Variants in MOB3B observed in about 807,000 individuals in gnomAD.
The protein encoded by MOB3B is MOB kinase activator-like 2B.
A neutral mutation model predicts 18.7 loss-of-function variants in MOB3B; 7 were observed. That is an observed-to-expected ratio of 0.37 (90% confidence interval 0.21 to 0.70). The LOEUF (loss-of-function observed/expected upper bound fraction) is 0.70, where lower values mean the gene tolerates loss of function less well. Ranked by LOEUF, MOB3B falls within the 30% of genes least tolerant of loss-of-function variation. MOB3B has a pLI of 0.52. For missense variants in MOB3B, 253 were observed against 281.3 expected (o/e 0.90, Z 0.72); for synonymous variants, 111 against 99.9 (o/e 1.11, Z -0.66).
At chr9:27,334,920 G>A (rs1008985891) in intron 3 of MOB3B, among the ~76,000 whole-genome samples, 1 of 152,150 alleles carries the variant, frequency 6.6e-6, no homozygotes, top group Non-Finnish European at 1.5e-5. Context: ...ACCTCCTGGG[G>A]TCACGCCATT....
At chr9:27,467,142 T>C (rs551795470) in intron 1 of MOB3B, among the ~76,000 whole-genome samples, 1 of 152,308 alleles carries the variant, frequency 6.6e-6, no homozygotes, top group South Asian at 2.1e-4. Flanking sequence ...AAGTTTGAAA[T>C]GAAATTGAGT....
At position 27,327,183 on chromosome 9, in the gene MOB3B, A is replaced by AT. The variant is rs1355165626; in HGVS notation, c.*3403dup. ...ATCATCTGACTGCAATGCTTATAAT[A>AT]TTTTGGGGATCCTGGGCCTCCTTGA... On this transcript the variant is annotated 3_prime_UTR_variant, in exon 4 of 4. Transcript: ENST00000262244. The AT allele has an allele frequency of 6.6e-6, 1 of 152,140 alleles. No individual in the cohort carries two copies. The highest frequency in any genetic ancestry group is 1.5e-5 in the Non-Finnish European group (1 of 68,036). 9.4% of individuals were successfully genotyped at this position (152,140 alleles called of 1,614,324 possible).
chr9:27,456,465 G>A (rs1445446652), intron 1 of MOB3B, among the ~76,000 whole-genome samples: 1 of 152,202 alleles, frequency 6.6e-6, no homozygotes, highest in African/African-American at 2.4e-5. Context: ...AAGAGAGACA[G>A]TGAGAAGAAC....
intron 3 of MOB3B, 124 bp from the exon 4 acceptor site, chr9:27,330,740 C>A: frequency 7.1e-7 from 1 of 1,399,954 alleles, no homozygotes; most frequent in Admixed American, 2.0e-5. Context: ...AAGCATGGTC[C>A]ATGAATAAGG....
intron 3 of MOB3B, among the ~76,000 whole-genome samples, chr9:27,336,036 G>A (rs1243703320): frequency 6.6e-6 from 1 of 152,178 alleles, no homozygotes; most frequent in East Asian, 1.9e-4. Flanking sequence ...AATGAGAGGT[G>A]GAAGGAAACA....
intron 2 of MOB3B, among the ~76,000 whole-genome samples, chr9:27,426,442 T>C (rs904865438): frequency 6.6e-5 from 10 of 152,198 alleles, no homozygotes; most frequent in African/African-American, 2.4e-4. Context: ...TCAGTTGAGA[T>C]ATCATGTGTA....
rs1821367442 is a variant in MOB3B, at chr9:27,368,353, T to TACACACACACACACATACAC, written c.419-9118_419-9117insGTGTATGTGTGTGTGTGTGT. Among the ~76,000 whole-genome samples the TACACACACACACACATACAC allele has an allele frequency of 2.1e-5, 3 of 145,988 alleles. No individual in the cohort carries two copies. In the East Asian group the frequency reaches 6.1e-4, roughly 29 times the overall value. On this transcript the variant is annotated intron_variant, in intron 2 of 3. Coordinates refer to ENST00000262244, the MANE Select transcript of MOB3B (RefSeq NM_024761.5). The stretch of plus-strand genomic sequence containing the variant: ...ATACATATATATACACACACATACA[T>TACACACACACACACATACAC]ACACACACACACACACACACACACA...
chr9:27,486,217 AG>A, intron 1 of MOB3B, among the ~76,000 whole-genome samples: 1 of 152,236 alleles, frequency 6.6e-6, no homozygotes, highest in Non-Finnish European at 1.5e-5. Context: ...AGAAGGATTC[AG>A]GGTGGCAGTA....
chr9:27,376,571 T>C (rs1251925463), intron 2 of MOB3B, among the ~76,000 whole-genome samples: 11 of 152,210 alleles, frequency 7.2e-5, no homozygotes, highest in Non-Finnish European at 1.2e-4. Flanking sequence ...ACCCTGGCTG[T>C]GCATTAGAAT....
intron 2 of MOB3B, among the ~76,000 whole-genome samples, chr9:27,419,241 C>A (rs1171272631): frequency 6.6e-6 from 1 of 152,074 alleles, no homozygotes; most frequent in Non-Finnish European, 1.5e-5. Context: ...CAAAGGAAAT[C>A]TACAAATTCA....
chr9:27,402,626 A>C (rs989546953), intron 2 of MOB3B, among the ~76,000 whole-genome samples: 1 of 152,268 alleles, frequency 6.6e-6, no homozygotes, highest in Non-Finnish European at 1.5e-5. Flanking sequence ...CCACTAAGTT[A>C]ACAAAAATTG....
At chr9:27,428,873 C>G (rs1315409948) in intron 2 of MOB3B, among the ~76,000 whole-genome samples, 1 of 152,186 alleles carries the variant, frequency 6.6e-6, no homozygotes, top group Admixed American at 6.5e-5. Context: ...GTCCTGGAAG[C>G]TTTACCAAAG....
At chr9:27,342,307 A>G (rs1360379200) in intron 3 of MOB3B, among the ~76,000 whole-genome samples, 1 of 152,232 alleles carries the variant, frequency 6.6e-6, no homozygotes, top group East Asian at 1.9e-4. Context: ...ATATTTATTT[A>G]ATCTATAAAT....
At position 27,367,367 on chromosome 9, in the gene MOB3B, C is replaced by T. The variant is rs147112937; in HGVS notation, c.419-8131G>A. On this transcript the variant is annotated intron_variant, in intron 2 of 3. Transcript: ENST00000262244. Reference sequence around the variant, plus strand: ...AATACGATTGACACAGCTGGGGAAACGAAACTTGTTAGAAGACAAGGTGGA... The same window carrying T: ...AATACGATTGACACAGCTGGGGAAATGAAACTTGTTAGAAGACAAGGTGGA... Among the ~76,000 whole-genome samples the T allele has an allele frequency of 9.5e-4, 144 of 152,260 alleles. 1 individual carries two copies. Among genetic ancestry groups the T allele is most frequent in the South Asian group, 2.1e-4 (1 of 4,832 alleles).
At chr9:27,368,691 A>G (rs35484384) in intron 2 of MOB3B, among the ~76,000 whole-genome samples, 3 of 152,138 alleles carry the variant, frequency 2.0e-5, no homozygotes, top group African/African-American at 4.8e-5. Flanking sequence ...GCTGTCCTCC[A>G]GTCTGTTATC....
At chr9:27,503,771 C>G (rs2492820) in intron 1 of MOB3B, among the ~76,000 whole-genome samples, 139,761 of 152,308 alleles carry the variant, frequency 0.92, 65,048 homozygotes, top group East Asian at 1. Context: ...GAGGGCCTCT[C>G]AAAGAAGCAT....
intron 2 of MOB3B, among the ~76,000 whole-genome samples, chr9:27,410,479 G>T (rs968419874): frequency 2.7e-5 from 4 of 150,442 alleles, no homozygotes; most frequent in African/African-American, 9.7e-5. Flanking sequence ...GCCTAGAAAA[G>T]ATTTTTTTTT....
intron 2 of MOB3B, among the ~76,000 whole-genome samples, chr9:27,364,345 A>C (rs1047303111): frequency 6.6e-6 from 1 of 150,882 alleles, no homozygotes; most frequent in Non-Finnish European, 1.5e-5. Context: ...AGTATTCCCC[A>C]TTATGTGTTT....
intron 1 of MOB3B, among the ~76,000 whole-genome samples, chr9:27,511,808 CT>C (rs1416282066): frequency 6.6e-6 from 1 of 152,206 alleles, no homozygotes; most frequent in Non-Finnish European, 1.5e-5. Flanking sequence ...GCCCAACCCC[CT>C]GATCTAACTT....
Sources: allele counts gnomAD v4.1 joint callset (sites outside exome capture counted in the v4.1 genomes callset), GRCh38; gene constraint gnomAD v4.1.1; transcripts MANE v1.5; gene names NCBI Gene and HGNC (gene_info 2026-07-23, HGNC 2026-07-21).